Variants in ZC3H12B observed in about 807,000 individuals in gnomAD.
ZC3H12B encodes probable ribonuclease ZC3H12B.
ZC3H12B carries 7 observed loss-of-function variants against 43.9 expected under a neutral mutation model. That is an observed-to-expected ratio of 0.16 (90% confidence interval 0.09 to 0.30). ZC3H12B has a LOEUF of 0.30. Among genes scored for constraint, ZC3H12B ranks in the 10% least tolerant of loss-of-function variants. ZC3H12B has a pLI of 1.00. For missense variants in ZC3H12B, 475 were observed against 670.2 expected, an observed-to-expected ratio of 0.71 and a Z score of 3.22; for synonymous variants, 222 against 241.7, an observed-to-expected ratio of 0.92 and a Z score of 0.76.
chrX:65,152,701 C>G, the ZC3H12B span, among the ~76,000 whole-genome samples: 1 of 111,107 alleles, frequency 9.0e-6, no homozygotes, highest in Non-Finnish European at 1.9e-5. Context: ...ATCAAGCTAC[C>G]AGACTTTCTT....
the ZC3H12B span, among the ~76,000 whole-genome samples, chrX:65,102,374 G>A: frequency 3.6e-5 from 4 of 111,981 alleles, no homozygotes; most frequent in Non-Finnish European, 7.5e-5. Context: ...AGTATTGGAA[G>A]TTCTGGCCAG....
chrX:65,435,072 G>T (rs1191905724), intron 3 of ZC3H12B, among the ~76,000 whole-genome samples: 4 of 111,910 alleles, frequency 3.6e-5, no homozygotes, highest in Non-Finnish European at 7.5e-5. Flanking sequence ...CAAGGTTGGG[G>T]GTTCATCTTT....
At chrX:65,159,531 G>C in the ZC3H12B span, among the ~76,000 whole-genome samples, 1 of 111,225 alleles carries the variant, frequency 9.0e-6, no homozygotes, top group South Asian at 3.7e-4. Flanking sequence ...TGAAGCAATT[G>C]TGAATGGGAG....
chrX:65,243,101 C>A, the ZC3H12B span, among the ~76,000 whole-genome samples: 1 of 111,865 alleles, frequency 8.9e-6, no homozygotes, highest in African/African-American at 3.2e-5. Context: ...AAAGCACAGG[C>A]AATCAAATTA....
chrX:65,296,727 C>G, the ZC3H12B span, among the ~76,000 whole-genome samples: 5 of 110,689 alleles, frequency 4.5e-5, no homozygotes, highest in African/African-American at 1.6e-4. Flanking sequence ...GACCAATATC[C>G]CTGATGAAGA....
the ZC3H12B span, among the ~76,000 whole-genome samples, chrX:65,094,377 C>T: frequency 9.1e-6 from 1 of 109,526 alleles, no homozygotes; most frequent in Non-Finnish European, 1.9e-5. Flanking sequence ...TATACAACTG[C>T]AAAACCTATA....
At chrX:65,130,523 G>T in the ZC3H12B span, among the ~76,000 whole-genome samples, 2 of 104,051 alleles carry the variant, frequency 1.9e-5, no homozygotes, top group Non-Finnish European at 4.2e-5. Context: ...GATGTGTAGG[G>T]AAGGGAGGGG....
the ZC3H12B span, among the ~76,000 whole-genome samples, chrX:65,116,804 A>G: frequency 9.0e-6 from 1 of 110,511 alleles, no homozygotes; most frequent in African/African-American, 3.3e-5. Context: ...CTATGGGAAC[A>G]TGCAGTGTTT....
chrX:65,134,713 T>A, the ZC3H12B span, among the ~76,000 whole-genome samples: 1 of 111,477 alleles, frequency 9.0e-6, no homozygotes, highest in South Asian at 3.8e-4. Context: ...CGGCACCAAA[T>A]GTCACGTGCG....
At chrX:65,046,597 A>C in the ZC3H12B span, among the ~76,000 whole-genome samples, 2 of 112,172 alleles carry the variant, frequency 1.8e-5, no homozygotes, top group Non-Finnish European at 3.8e-5. Flanking sequence ...AAACTGTCTT[A>C]ACAGCCATAG....
chrX:65,287,996 A>ATATATATATATATATATATATG, the ZC3H12B span, among the ~76,000 whole-genome samples: 27 of 106,457 alleles, frequency 2.5e-4, no homozygotes, highest in African/African-American at 9.6e-4. Flanking sequence ...ATACATATAT[A>ATATATATATATATATATATATG]TATATATATA....
chrX:65,230,700 G>A, the ZC3H12B span, among the ~76,000 whole-genome samples: 2 of 109,021 alleles, frequency 1.8e-5, no homozygotes, highest in Non-Finnish European at 3.8e-5. Flanking sequence ...CTTCAAACAT[G>A]AAAGAGAAGT....
At chrX:65,307,844 A>AT in the ZC3H12B span, among the ~76,000 whole-genome samples, 23 of 112,105 alleles carry the variant, frequency 2.1e-4, no homozygotes, top group African/African-American at 6.8e-4. Context: ...CAGAAAGAAA[A>AT]CACATTTCTG....
the ZC3H12B span, among the ~76,000 whole-genome samples, chrX:65,244,453 T>TA: frequency 8.3e-5 from 9 of 109,065 alleles, no homozygotes; most frequent in East Asian, 5.8e-4. Flanking sequence ...CTTAATTCAT[T>TA]AAAAAAAAGT....
the ZC3H12B span, among the ~76,000 whole-genome samples, chrX:65,306,264 T>G: frequency 5.3e-5 from 6 of 112,592 alleles, no homozygotes; most frequent in Admixed American, 5.6e-4. Context: ...TCTCATACAC[T>G]GTTAGTGGGA....
At chrX:65,059,219 ACC>A in the ZC3H12B span, among the ~76,000 whole-genome samples, 54 of 38,471 alleles carry the variant, frequency 1.4e-3, no homozygotes, top group East Asian at 0.018. Context: ...TCTTGGAACC[ACC>A]CCCCCCCCGC....
chrX:65,346,887 TA>T, the ZC3H12B span, among the ~76,000 whole-genome samples: 1 of 112,297 alleles, frequency 8.9e-6, no homozygotes, highest in Non-Finnish European at 1.9e-5. Flanking sequence ...TCAGCAGACT[TA>T]AACGTCCCTG....
the ZC3H12B span, among the ~76,000 whole-genome samples, chrX:65,209,639 A>G: frequency 9.1e-6 from 1 of 109,893 alleles, no homozygotes; most frequent in Non-Finnish European, 1.9e-5. Flanking sequence ...GTGGTGCTGA[A>G]AAAAATGTAT....
chrX:65,242,925 A>C, the ZC3H12B span, among the ~76,000 whole-genome samples: 2 of 112,495 alleles, frequency 1.8e-5, no homozygotes, highest in East Asian at 5.6e-4. Context: ...AGATGTCCAC[A>C]TGCAGAAGAA....
Sources: allele counts gnomAD v4.1 joint callset (sites outside exome capture counted in the v4.1 genomes callset), GRCh38; gene constraint gnomAD v4.1.1; transcripts MANE v1.5; gene names NCBI Gene and HGNC (gene_info 2026-07-23, HGNC 2026-07-21).